Variants in CLIP1 observed in about 807,000 individuals in gnomAD.
CLIP1 encodes CAP-Gly domain-containing linker protein 1.
Under a neutral mutation model 161.6 loss-of-function variants are expected in CLIP1, and 66 were observed. The ratio of observed to expected loss-of-function variants is 0.41; its 90% CI spans 0.33 to 0.50. The LOEUF (loss-of-function observed/expected upper bound fraction) is 0.50. CLIP1 is among the 20% of genes least tolerant of loss of function. CLIP1 has a pLI of 0.27. For missense variants in CLIP1, 1,376 were observed against 1,702.0 expected, an observed-to-expected ratio of 0.81 and a Z score of 3.37; for synonymous variants, 598 against 626.2, an observed-to-expected ratio of 0.96 and a Z score of 0.67.
At chr12:122,371,585 GGA>G (rs1247996765) in intron 3 of CLIP1, among the ~76,000 whole-genome samples, 4 of 152,120 alleles carry the variant, frequency 2.6e-5, no homozygotes, top group Non-Finnish European at 5.9e-5. Context: ...ATAGAGGTGA[GGA>G]GAGACAAGGC....
chr12:122,390,197 A>T (rs1227100222), intron 1 of CLIP1, among the ~76,000 whole-genome samples: 1 of 90,596 alleles, frequency 1.1e-5, no homozygotes, highest in Non-Finnish European at 2.6e-5. Flanking sequence ...ATATATATAT[A>T]ATATATATAT....
At position 122,273,000 on chromosome 12, in the gene CLIP1, G is replaced by A; in HGVS notation, c.4192C>T (p.Gln1398Ter). ...HDTEDCPTQAQMSEDPPHSTH... is the reference protein window; with the variant it reads ...HDTEDCPTQA ...GAATGGGGAGGGTCCTCTGACATCT[G>A]TGCCTGGGTAGGACAATCCTCTGTG... Residue 1398 changes from glutamine to a stop codon, truncating the protein, a stop_gained, in exon 26 of 26, where the codon CAG becomes TAG. Transcript: ENST00000620786. LOFTEE classifies it high-confidence loss of function. 2.5e-6 allele frequency: 4 copies of A among 1,614,190 alleles called. No homozygotes were observed. The highest frequency in any genetic ancestry group is 3.4e-6 in the Non-Finnish European group (4 of 1,180,028).
intron 20 of CLIP1, among the ~76,000 whole-genome samples, chr12:122,297,808 C>A (rs953128003): frequency 6.6e-6 from 1 of 152,216 alleles, no homozygotes; most frequent in Non-Finnish European, 1.5e-5. Flanking sequence ...ATCGGCTGCA[C>A]AGATCCCCCT....
intron 17 of CLIP1, among the ~76,000 whole-genome samples, chr12:122,319,772 A>G (rs1340883713): frequency 6.6e-6 from 1 of 152,194 alleles, no homozygotes; most frequent in East Asian, 1.9e-4. Context: ...TGCTATTTCA[A>G]ATCTGGGGCT....
chr12:122,333,971 C>T (rs1322740049), intron 14 of CLIP1, 56 bp downstream of exon 14: 1 of 1,070,050 alleles, frequency 9.3e-7, no homozygotes, highest in Non-Finnish European at 1.4e-6. Context: ...ACAACTGTCT[C>T]GAATACGGGA....
At chr12:122,391,013 G>A (rs966026328) in intron 1 of CLIP1, among the ~76,000 whole-genome samples, 1 of 152,122 alleles carries the variant, frequency 6.6e-6, no homozygotes, top group South Asian at 2.1e-4. Flanking sequence ...TTCCGGCTCG[G>A]TGTGGTGGCT....
chr12:122,315,391 A>T (rs1476824343), intron 19 of CLIP1, among the ~76,000 whole-genome samples: 1 of 152,202 alleles, frequency 6.6e-6, no homozygotes, highest in Non-Finnish European at 1.5e-5. Flanking sequence ...TACGGTTGAT[A>T]CAGTGTCATT....
chr12:122,322,300 C>G (rs1387595439), intron 17 of CLIP1: 2 of 152,626 alleles, frequency 1.3e-5, no homozygotes, highest in Non-Finnish European at 2.9e-5. Context: ...CCTTCTCCTT[C>G]AGGAGCTCAT....
intron 4 of CLIP1, among the ~76,000 whole-genome samples, chr12:122,361,942 A>G (rs2041032520): frequency 1.3e-5 from 2 of 152,088 alleles, no homozygotes; most frequent in Admixed American, 1.3e-4. Flanking sequence ...ACCTATTGAA[A>G]TAAGTAAAAT....
intron 1 of CLIP1, among the ~76,000 whole-genome samples, chr12:122,387,569 TATATATATATATA>T (rs1955354694): frequency 2.6e-4 from 2 of 7,802 alleles, no homozygotes; most frequent in Non-Finnish European, 3.3e-4. Context: ...TATATATATA[TATATATATATATA>T]TATATATATT....
At chr12:122,389,804 G>A (rs1189136774) in intron 1 of CLIP1, among the ~76,000 whole-genome samples, 1 of 133,856 alleles carries the variant, frequency 7.5e-6, no homozygotes, top group Non-Finnish European at 1.6e-5. Context: ...TGTAGTTGGG[G>A]AGAGATACAG....
chr12:122,389,467 A>G (rs1955485984), intron 1 of CLIP1, among the ~76,000 whole-genome samples: 1 of 152,114 alleles, frequency 6.6e-6, no homozygotes, highest in Non-Finnish European at 1.5e-5. Flanking sequence ...AGCCCAAAGA[A>G]TTTATAAAGG....
chr12:122,275,737 G>A (rs1459310068), intron 24 of CLIP1: 1 of 151,754 alleles, frequency 6.6e-6, no homozygotes, highest in South Asian at 2.1e-4. Flanking sequence ...TTTTCTGTTC[G>A]GCAGATTTGA....
Position 122,319,361 on chromosome 12 carries a change from A to C in CLIP1, c.3250-13T>G. The C allele has an allele frequency of 1.3e-6, 2 of 1,595,398 alleles. No homozygotes were observed. The highest frequency in any genetic ancestry group is 1.7e-6 in the Non-Finnish European group (2 of 1,163,140). ...CTGTTTGAGCAGCCTAAATACAAGG[A>C]AACACTGTGAGAAATGAGGACAGCC... On this transcript the variant is annotated splice_polypyrimidine_tract_variant and intron_variant, in intron 17 of 25. Transcript: ENST00000620786.
chr12:122,288,878 T>A (rs1038082551), intron 20 of CLIP1, among the ~76,000 whole-genome samples: 1 of 144,714 alleles, frequency 6.9e-6, no homozygotes, highest in Non-Finnish European at 1.5e-5. Flanking sequence ...TGCAGTGGCG[T>A]GATCTCGGCT....
intron 21 of CLIP1, chr12:122,280,874 T>C (rs1211983763): frequency 2.0e-5 from 3 of 152,194 alleles, no homozygotes; most frequent in African/African-American, 7.2e-5. Context: ...CACCAGTGAG[T>C]GGTCATAACC....
intron 17 of CLIP1, among the ~76,000 whole-genome samples, chr12:122,321,352 T>G (rs909237412): frequency 5.3e-5 from 8 of 151,462 alleles, no homozygotes; most frequent in Admixed American, 6.6e-5. Context: ...TTCAAGTGAT[T>G]CTACTGCCTC....
chr12:122,307,423 G>A (rs1486828710), intron 20 of CLIP1, among the ~76,000 whole-genome samples: 1 of 152,118 alleles, frequency 6.6e-6, no homozygotes, highest in Non-Finnish European at 1.5e-5. Flanking sequence ...ACAAATTATG[G>A]TGCTTCTAAA....
At chr12:122,298,988 C>A (rs1950574264) in intron 20 of CLIP1, among the ~76,000 whole-genome samples, 1 of 152,122 alleles carries the variant, frequency 6.6e-6, no homozygotes, top group African/African-American at 2.4e-5. Flanking sequence ...AATGGTGTGG[C>A]TACAGGGCGG....
Sources: allele counts gnomAD v4.1 joint callset (sites outside exome capture counted in the v4.1 genomes callset), GRCh38; gene constraint gnomAD v4.1.1; transcripts MANE v1.5; gene names NCBI Gene and HGNC (gene_info 2026-07-23, HGNC 2026-07-21).